HS3ST5: variants seen among roughly 807,000 people sequenced by gnomAD.
The protein encoded by HS3ST5 is heparan sulfate glucosamine 3-O-sulfotransferase 5.
Under a neutral mutation model 25.4 loss-of-function variants are expected in HS3ST5, and 10 were observed. That is an observed-to-expected ratio of 0.39 (90% CI 0.24 to 0.67). HS3ST5 has a LOEUF of 0.67. Among genes scored for constraint, HS3ST5 ranks in the 30% least tolerant of loss-of-function variants. The probability of loss-of-function intolerance (pLI) is 0.44; values close to 1 mark genes in which losing one functional copy is unlikely to be tolerated. For synonymous variants in HS3ST5, 170 were observed against 162.4 expected (o/e 1.05, Z -0.36); for missense variants, 324 against 420.7 (o/e 0.77, Z 2.01).
At chr6:114,073,641 A>G (rs980237651) in intron 3 of HS3ST5, among the ~76,000 whole-genome samples, 2 of 152,224 alleles carry the variant, frequency 1.3e-5, no homozygotes, top group African/African-American at 4.8e-5. Context: ...AGGAAACAAC[A>G]GATGCTGGAG....
chr6:114,313,809 A>G (rs936493244), intron 1 of HS3ST5, among the ~76,000 whole-genome samples: 1 of 152,204 alleles, frequency 6.6e-6, no homozygotes, highest in East Asian at 1.9e-4. Flanking sequence ...TAAATTATGT[A>G]TCGATCGAGT....
chr6:114,285,524 T>A (rs1452157357), intron 1 of HS3ST5, among the ~76,000 whole-genome samples: 4 of 152,048 alleles, frequency 2.6e-5, no homozygotes, highest in South Asian at 4.1e-4. Flanking sequence ...GCCATATGTG[T>A]CAACATGAAT....
intron 3 of HS3ST5, among the ~76,000 whole-genome samples, chr6:114,108,515 A>T (rs1776101570): frequency 6.6e-6 from 1 of 152,204 alleles, no homozygotes; most frequent in Admixed American, 6.5e-5. Context: ...GAGCCTGTCC[A>T]GTGCACACAC....
At chr6:114,078,960 G>T (rs767298834) in intron 3 of HS3ST5, among the ~76,000 whole-genome samples, 10 of 152,172 alleles carry the variant, frequency 6.6e-5, no homozygotes, top group Non-Finnish European at 1.5e-4. Context: ...ACACTATATT[G>T]TAGTCTATTA....
intron 2 of HS3ST5, among the ~76,000 whole-genome samples, chr6:114,214,816 A>G (rs1208506397): frequency 6.6e-6 from 1 of 152,174 alleles, no homozygotes; most frequent in African/African-American, 2.4e-5. Flanking sequence ...TGGCACACGG[A>G]AACCTGGTGG....
At chr6:114,130,850 T>G (rs1777294648) in intron 3 of HS3ST5, among the ~76,000 whole-genome samples, 1 of 152,090 alleles carries the variant, frequency 6.6e-6, no homozygotes, top group Middle Eastern at 3.2e-3. Flanking sequence ...ATTACAGGTG[T>G]GAGCCACCGT....
chr6:114,298,915 T>C (rs1192249678), intron 1 of HS3ST5, among the ~76,000 whole-genome samples: 2 of 152,158 alleles, frequency 1.3e-5, no homozygotes, highest in Non-Finnish European at 2.9e-5. Context: ...TTGCGTTAAC[T>C]GCACAAATTG....
At chr6:114,268,331 C>T (rs530103934) in intron 1 of HS3ST5, among the ~76,000 whole-genome samples, 22 of 152,184 alleles carry the variant, frequency 1.4e-4, no homozygotes, top group Non-Finnish European at 3.2e-4. Context: ...GTAGCCAGCT[C>T]AGATCTGCCC....
intron 3 of HS3ST5, among the ~76,000 whole-genome samples, chr6:114,066,308 C>G (rs548334601): frequency 6.6e-6 from 1 of 152,348 alleles, no homozygotes; most frequent in South Asian, 2.1e-4. Flanking sequence ...CACACACTTG[C>G]TACCACCCTC....
At chr6:114,150,690 A>T (rs528688804) in intron 3 of HS3ST5, among the ~76,000 whole-genome samples, 79 of 152,308 alleles carry the variant, frequency 5.2e-4, no homozygotes, top group African/African-American at 1.7e-3. Flanking sequence ...AATATTTTTT[A>T]AAAAAGATTC....
At chr6:114,163,262 T>G (rs1779056743) in intron 3 of HS3ST5, among the ~76,000 whole-genome samples, 1 of 152,318 alleles carries the variant, frequency 6.6e-6, no homozygotes, top group African/African-American at 2.4e-5. Flanking sequence ...TGTAAAAATC[T>G]GACTCAGAAA....
intron 1 of HS3ST5, among the ~76,000 whole-genome samples, chr6:114,341,178 G>C (rs1776823851): frequency 1.6e-5 from 1 of 61,078 alleles, no homozygotes; most frequent in African/African-American, 6.4e-5. Flanking sequence ...GAGGGAGGGA[G>C]AGGGAGAGGG....
At position 114,055,986 on chromosome 6, in the gene HS3ST5, C is replaced by A. The variant is rs73552499; in HGVS notation, c.*1271G>T. The A allele has an allele frequency of 6.6e-6, 1 of 152,146 alleles. No homozygotes were observed. The highest frequency in any genetic ancestry group is 1.9e-4 in the East Asian group (1 of 5,198). The allele number at this position is 152,146 out of a possible 1,614,324, so 9.4% of individuals were successfully genotyped here. A position where few individuals can be genotyped will look rare whatever the true frequency, so the allele number is the denominator to read the frequency against. On this transcript the variant is annotated 3_prime_UTR_variant, in exon 5 of 5. Coordinates refer to ENST00000312719, the MANE Select transcript of HS3ST5 (RefSeq NM_153612.4). ...ACTAGGCAGCTGAATCCTTTCAGAGCAAATTGATATATTTTCAACTAACAG... is the reference window on the plus strand; with the variant it reads ...ACTAGGCAGCTGAATCCTTTCAGAGAAAATTGATATATTTTCAACTAACAG...
chr6:114,231,010 T>C (rs1302383687), intron 1 of HS3ST5, among the ~76,000 whole-genome samples: 1 of 152,156 alleles, frequency 6.6e-6, no homozygotes, highest in African/African-American at 2.4e-5. Flanking sequence ...GCCCAAATCC[T>C]ATGGTGAACT....
At chr6:114,185,635 T>G (rs1350966668) in intron 2 of HS3ST5, among the ~76,000 whole-genome samples, 2 of 152,178 alleles carry the variant, frequency 1.3e-5, no homozygotes, top group Non-Finnish European at 2.9e-5. Context: ...TAACAGCAGG[T>G]GCTCACTTCA....
chr6:114,285,516 CAT>C (rs1157613623), intron 1 of HS3ST5, among the ~76,000 whole-genome samples: 1 of 151,954 alleles, frequency 6.6e-6, no homozygotes, highest in Non-Finnish European at 1.5e-5. Flanking sequence ...AAATTTCTGC[CAT>C]ATGTGTCAAC....
At chr6:114,075,986 G>T (rs143124970) in intron 3 of HS3ST5, among the ~76,000 whole-genome samples, 122 of 152,216 alleles carry the variant, frequency 8.0e-4, no homozygotes, top group Middle Eastern at 3.4e-3. Context: ...TGCCACACAA[G>T]GTAGTGCTGT....
At chr6:114,084,926 G>A (rs986089464) in intron 3 of HS3ST5, 2 of 476,348 alleles carry the variant, frequency 4.2e-6, no homozygotes, top group East Asian at 8.6e-5. Context: ...CTGCCTCCCG[G>A]GTTCAAGCGA....
Position 114,057,523 on chromosome 6 carries a change from T to C in HS3ST5, c.775A>G (p.Ile259Val), listed in dbSNP as rs1325493499. ...TGAAGTTCTGGCAGAGGTTCCGTGA[T>C]GAGGCGATCTCCATCGACGACATGA... Reference protein sequence around the residue: ...QFHVVDGDRLITEPLPELQLV... With the variant: ...QFHVVDGDRLVTEPLPELQLV... Residue 259 changes from isoleucine to valine, a missense_variant, in exon 5 of 5, where the codon ATC becomes GTC. By Grantham distance (29) the Ile-to-Val change is conservative. Transcript: ENST00000312719. The C allele has an allele frequency of 6.2e-7, 1 of 1,614,232 alleles. No homozygotes were observed. Among genetic ancestry groups the C allele is most frequent in the East Asian group, 2.2e-5 (1 of 44,886 alleles).
Sources: gnomAD v4.1 joint callset for allele counts (sites outside exome capture counted in the v4.1 genomes callset) on GRCh38, gnomAD v4.1.1 for gene constraint, MANE v1.5 for transcripts, NCBI Gene and HGNC (gene_info 2026-07-23, HGNC 2026-07-21) for gene names.